SPMAP2L: variants seen among roughly 807,000 people sequenced by gnomAD.
SPMAP2L encodes the protein sperm microtubule associated protein 2 like.
At chr4:56,568,107 C>T in the SPMAP2L span, among the ~76,000 whole-genome samples, 102 of 152,200 alleles carry the variant, frequency 6.7e-4, no homozygotes, top group African/African-American at 2.3e-3. Context: ...TTTCTTCTCA[C>T]CCATTGTAGT....
chr4:56,589,746 GT>G, the SPMAP2L span, among the ~76,000 whole-genome samples: 46 of 150,530 alleles, frequency 3.1e-4, no homozygotes, highest in East Asian at 6.2e-3. Context: ...GTGTGGGGGG[GT>G]TTTGTTTTTT....
the SPMAP2L span, chr4:56,584,423 T>G: frequency 3.4e-6 from 3 of 894,234 alleles, no homozygotes; most frequent in South Asian, 4.5e-5. Context: ...AGAAGTTGAT[T>G]GTAGTAATGG....
the SPMAP2L span, among the ~76,000 whole-genome samples, chr4:56,550,675 A>T: frequency 6.6e-6 from 1 of 152,176 alleles, no homozygotes; most frequent in Non-Finnish European, 1.5e-5. Context: ...TGGTTTCAAA[A>T]AAGTTTTTCG....
the SPMAP2L span, among the ~76,000 whole-genome samples, chr4:56,623,613 G>A: frequency 1.3e-5 from 2 of 152,166 alleles, no homozygotes; most frequent in Non-Finnish European, 2.9e-5. Context: ...CTGAGAAGGA[G>A]GTAACGGAAT....
At chr4:56,594,186 G>C in the SPMAP2L span, 1 of 1,613,206 alleles carries the variant, frequency 6.2e-7, no homozygotes, top group Non-Finnish European at 8.5e-7. Context: ...GGTATTCCAG[G>C]GTCTGTGTTC....
At chr4:56,612,092 T>C in the SPMAP2L span, among the ~76,000 whole-genome samples, 54 of 152,168 alleles carry the variant, frequency 3.5e-4, no homozygotes, top group Non-Finnish European at 2.4e-4. Context: ...GGACACTGTG[T>C]GAGGACCAGA....
chr4:56,548,206 G>T, the SPMAP2L span, among the ~76,000 whole-genome samples: 3 of 151,004 alleles, frequency 2.0e-5, no homozygotes, highest in Admixed American at 2.0e-4. Flanking sequence ...GCATTGTTTT[G>T]ATTATAAGCA....
the SPMAP2L span, among the ~76,000 whole-genome samples, chr4:56,597,051 A>G: frequency 1.3e-5 from 2 of 152,360 alleles, no homozygotes; most frequent in Middle Eastern, 6.8e-3. Flanking sequence ...TCAGGAAAAT[A>G]ACATAGAAAA....
At chr4:56,586,480 C>A in the SPMAP2L span, among the ~76,000 whole-genome samples, 1 of 152,160 alleles carries the variant, frequency 6.6e-6, no homozygotes, top group East Asian at 1.9e-4. Context: ...CCCAAAGTGC[C>A]CCACCTCCTA....
At chr4:56,534,774 A>G in the SPMAP2L span, among the ~76,000 whole-genome samples, 1 of 152,076 alleles carries the variant, frequency 6.6e-6, no homozygotes, top group Non-Finnish European at 1.5e-5. Flanking sequence ...TAAAAATACA[A>G]AAAAAATAGC....
At chr4:56,597,600 T>C in the SPMAP2L span, among the ~76,000 whole-genome samples, 1 of 152,224 alleles carries the variant, frequency 6.6e-6, no homozygotes, top group Non-Finnish European at 1.5e-5. Context: ...TTTACTAAAG[T>C]GACTTGTGAC....
At chr4:56,608,636 G>C in the SPMAP2L span, among the ~76,000 whole-genome samples, 11 of 152,180 alleles carry the variant, frequency 7.2e-5, no homozygotes, top group Non-Finnish European at 1.2e-4. Flanking sequence ...AGCCACCCCA[G>C]GTATGGCTTC....
At chr4:56,539,606 G>C in the SPMAP2L span, among the ~76,000 whole-genome samples, 4 of 152,088 alleles carry the variant, frequency 2.6e-5, no homozygotes, top group African/African-American at 9.7e-5. Flanking sequence ...ATTTTTAGTA[G>C]AGACAGGGTT....
the SPMAP2L span, among the ~76,000 whole-genome samples, chr4:56,585,577 A>G: frequency 6.6e-6 from 1 of 152,134 alleles, no homozygotes; most frequent in African/African-American, 2.4e-5. Context: ...CCTGGGCTCA[A>G]GCGATCCTCC....
the SPMAP2L span, among the ~76,000 whole-genome samples, chr4:56,543,926 AT>A: frequency 0.022 from 1,245 of 57,902 alleles, 59 homozygotes; most frequent in African/African-American, 0.075. Context: ...GTGTGTGTGT[AT>A]GTGAGAGAGA....
the SPMAP2L span, among the ~76,000 whole-genome samples, chr4:56,571,832 G>A: frequency 7.1e-3 from 1,076 of 152,102 alleles, 17 homozygotes; most frequent in African/African-American, 0.024. Context: ...GTGACAGAGC[G>A]GGACCTGACA....
At chr4:56,593,530 G>A in the SPMAP2L span, 7 of 1,599,344 alleles carry the variant, frequency 4.4e-6, no homozygotes, top group South Asian at 1.1e-5. Flanking sequence ...GGCCTGCTGT[G>A]TGTGCTACTG....
the SPMAP2L span, among the ~76,000 whole-genome samples, chr4:56,599,947 C>T: frequency 6.6e-6 from 1 of 151,964 alleles, no homozygotes; most frequent in Non-Finnish European, 1.5e-5. Context: ...CAAATCAAAA[C>T]CACAATGAGA....
the SPMAP2L span, among the ~76,000 whole-genome samples, chr4:56,606,741 C>G: frequency 2.8e-3 from 427 of 152,244 alleles, 2 homozygotes; most frequent in African/African-American, 9.6e-3. Flanking sequence ...CACTGGAGGA[C>G]AGGTTAAGGA....
Sources: gnomAD v4.1 joint callset for allele counts (sites outside exome capture counted in the v4.1 genomes callset) on GRCh38, gnomAD v4.1.1 for gene constraint, MANE v1.5 for transcripts, NCBI Gene and HGNC (gene_info 2026-07-23, HGNC 2026-07-21) for gene names.